Variants in FOXP1 observed in about 807,000 individuals in gnomAD.
FOXP1 encodes the protein forkhead box protein P1.
A neutral mutation model predicts 98.2 loss-of-function variants in FOXP1; 15 were observed. The ratio of observed to expected loss-of-function variants is 0.15; its 90% CI spans 0.10 to 0.24. The LOEUF is 0.24. Ranked by LOEUF, FOXP1 falls within the 10% of genes least tolerant of loss-of-function variation. FOXP1 has a pLI of 1.00. For missense variants in FOXP1, 633 were observed against 848.5 expected (o/e 0.75, Z 3.15); for synonymous variants, 371 against 314.5 (o/e 1.18, Z -1.90).
At chr3:71,558,026 G>A (rs995489079) in intron 2 of FOXP1, among the ~76,000 whole-genome samples, 3 of 151,956 alleles carry the variant, frequency 2.0e-5, no homozygotes, top group Non-Finnish European at 2.9e-5. Context: ...TATGTCGGCC[G>A]GGCTGGTGAC....
chr3:71,489,544 C>T (rs1017961346), intron 3 of FOXP1, among the ~76,000 whole-genome samples: 1 of 152,150 alleles, frequency 6.6e-6, no homozygotes, highest in East Asian at 1.9e-4. Flanking sequence ...GGCTAACTGC[C>T]GATTAAATAT....
chr3:71,113,135 T>C (rs1221259449), intron 6 of FOXP1, among the ~76,000 whole-genome samples: 2 of 152,084 alleles, frequency 1.3e-5, no homozygotes, highest in African/African-American at 2.4e-5. Context: ...AAAAAAAATA[T>C]ACTATGGATT....
chr3:71,400,150 A>T (rs892797639), intron 3 of FOXP1, among the ~76,000 whole-genome samples: 2 of 152,150 alleles, frequency 1.3e-5, no homozygotes, highest in Admixed American at 6.5e-5. Flanking sequence ...TTAAAAAAAA[A>T]TTTTGGCAAG....
chr3:71,032,680 TG>T (rs1415036653), intron 11 of FOXP1, among the ~76,000 whole-genome samples: 1 of 152,180 alleles, frequency 6.6e-6, no homozygotes, highest in African/African-American at 2.4e-5. Flanking sequence ...GGGGTAACAC[TG>T]GTGCGAACAC....
Position 71,070,963 on chromosome 3 carries a change from G to T in FOXP1, c.283-17190C>A, listed in dbSNP as rs1576580851. Among the ~76,000 whole-genome samples, 6 of 152,150 alleles carry T rather than the reference G, an allele frequency of 3.9e-5. No individual in the cohort carries two copies. The South Asian group carries it at 1.2e-3, about 32-fold the overall frequency. ...AATAAATCTTACACCGGGGAAGCCG[G>T]CACAGGGCTGTGGAATCCCCTCCAA... On this transcript the variant is annotated intron_variant, in intron 7 of 20. Coordinates refer to ENST00000649528, the MANE Select transcript of FOXP1 (RefSeq NM_001349338.3).
At chr3:71,214,661 C>A (rs552152198) in intron 5 of FOXP1, among the ~76,000 whole-genome samples, 1 of 152,168 alleles carries the variant, frequency 6.6e-6, no homozygotes, top group Non-Finnish European at 1.5e-5. Context: ...GACAACAGGG[C>A]TCCTAATAAC....
At chr3:71,574,564 T>C (rs2047581774) in intron 2 of FOXP1, 1 of 152,182 alleles carries the variant, frequency 6.6e-6, no homozygotes, top group African/African-American at 2.4e-5. Context: ...TATTCGTGCA[T>C]GCCCCATCAC....
intron 8 of FOXP1, among the ~76,000 whole-genome samples, chr3:71,053,102 T>C (rs2050135610): frequency 6.6e-6 from 1 of 152,168 alleles, no homozygotes; most frequent in South Asian, 2.1e-4. Flanking sequence ...CAGGTGGCTG[T>C]GAAGTCTGAA....
intron 5 of FOXP1, among the ~76,000 whole-genome samples, chr3:71,206,341 C>A (rs1021140895): frequency 2.0e-5 from 3 of 152,094 alleles, no homozygotes; most frequent in African/African-American, 7.2e-5. Flanking sequence ...TCTGTTAGGT[C>A]TTAAGAGAAG....
chr3:71,171,968 A>G lies in FOXP1; in HGVS notation c.180+26234T>C, dbSNP rs1179004404. On this transcript the variant is annotated intron_variant, in intron 6 of 20. Coordinates refer to ENST00000649528, the MANE Select transcript of FOXP1 (RefSeq NM_001349338.3). ...GAAAAGGCACTTTCTAATCCTTATC[A>G]ATTATTTATTAAAAATCTCCCCCAC... Among the ~76,000 whole-genome samples the G allele has an allele frequency of 3.9e-5, 6 of 152,206 alleles. No individual in the cohort carries two copies. The East Asian group carries it at 1.2e-3, about 29-fold the overall frequency.
chr3:71,421,184 G>A (rs865799918), intron 3 of FOXP1, among the ~76,000 whole-genome samples: 4 of 152,134 alleles, frequency 2.6e-5, no homozygotes, highest in Admixed American at 2.0e-4. Flanking sequence ...AGACCTGAGC[G>A]ACAAATTCTT....
At chr3:70,980,865 G>A (rs1402615533) in intron 14 of FOXP1, among the ~76,000 whole-genome samples, 3 of 152,172 alleles carry the variant, frequency 2.0e-5, no homozygotes, top group Non-Finnish European at 4.4e-5. Context: ...GCAGTTCTGA[G>A]GACTGACTAT....
chr3:71,502,743 A>G (rs1224804926), intron 2 of FOXP1, among the ~76,000 whole-genome samples: 1 of 152,204 alleles, frequency 6.6e-6, no homozygotes, highest in Non-Finnish European at 1.5e-5. Flanking sequence ...CAGTTTCCCC[A>G]GTGGGAACAT....
At chr3:71,206,040 C>A (rs1010977943) in intron 5 of FOXP1, among the ~76,000 whole-genome samples, 1 of 152,182 alleles carries the variant, frequency 6.6e-6, no homozygotes, top group Admixed American at 6.5e-5. Context: ...TGTCCACTTT[C>A]CCCAGCTCCA....
At chr3:71,425,462 T>G (rs746638901) in intron 3 of FOXP1, among the ~76,000 whole-genome samples, 3 of 152,060 alleles carry the variant, frequency 2.0e-5, no homozygotes, top group Non-Finnish European at 4.4e-5. Flanking sequence ...GGTTTCCAAA[T>G]CCATTCCAAG....
At chr3:70,991,154 G>A (rs2040541609) in intron 13 of FOXP1, among the ~76,000 whole-genome samples, 1 of 151,534 alleles carries the variant, frequency 6.6e-6, no homozygotes, top group South Asian at 2.1e-4. Flanking sequence ...GGGGTTCAAT[G>A]GAGTTTGCAG....
At chr3:71,333,830 A>G (rs1413979484) in intron 4 of FOXP1, 1 of 152,212 alleles carries the variant, frequency 6.6e-6, no homozygotes, top group Non-Finnish European at 1.5e-5. Flanking sequence ...TCTTAAAAAA[A>G]CAAAACAAAA....
Position 71,198,247 on chromosome 3 carries a change from G to T in FOXP1, c.135C>A (p.Asp45Glu), listed in dbSNP as rs749307402. The change falls in exon 6 of 21, where the codon GAC becomes GAA. Residue 45 changes from aspartate (D) to glutamate (E), a missense_variant. Asp to Glu is a conservative substitution (Grantham distance 45). Coordinates refer to ENST00000649528, the MANE Select transcript of FOXP1 (RefSeq NM_001349338.3). Reference protein sequence around the residue: ...GRSNGETPAVDIGAADLAHAQ... With the variant: ...GRSNGETPAVEIGAADLAHAQ... ...CGTGGGCGAGGTCAGCTGCCCCGAT[G>T]TCCACGGCCGGCGTCTCTCCGTTGG... 2.5e-6 allele frequency: 4 copies of T among 1,614,022 alleles called. No individual in the cohort carries two copies. The highest frequency in any genetic ancestry group is 3.4e-6 in the Non-Finnish European group (4 of 1,180,056).
chr3:71,233,770 C>T (rs905344443), intron 5 of FOXP1, among the ~76,000 whole-genome samples: 54 of 152,012 alleles, frequency 3.6e-4, no homozygotes, highest in Non-Finnish European at 8.8e-5. Flanking sequence ...AGGATCAGGA[C>T]TTGTATATTT....
Sources: gnomAD v4.1 joint callset for allele counts (sites outside exome capture counted in the v4.1 genomes callset) on GRCh38, gnomAD v4.1.1 for gene constraint, MANE v1.5 for transcripts, NCBI Gene and HGNC (gene_info 2026-07-23, HGNC 2026-07-21) for gene names.